The following BACH2 variants were observed in gnomAD, a reference collection of about 807,000 sequenced individuals.
BACH2 encodes BACH transcriptional regulator 2, also known as transcription regulator protein BACH2.
In BACH2, 5 loss-of-function variants were observed where a neutral mutation model predicts 61.8. That is an observed-to-expected ratio of 0.08 (90% CI 0.04 to 0.17). The LOEUF (loss-of-function observed/expected upper bound fraction) is 0.17. BACH2 is among the 10% of genes least tolerant of loss of function. The probability of loss-of-function intolerance (pLI) is 1.00; values close to 1 mark genes in which losing one functional copy is unlikely to be tolerated. For synonymous variants in BACH2, 446 were observed against 440.1 expected, an observed-to-expected ratio of 1.01 and a Z score of -0.17; for missense variants, 824 against 1,091.1, an observed-to-expected ratio of 0.76 and a Z score of 3.45.
chr6:89,984,447 G>A (rs1469606859), intron 6 of BACH2, among the ~76,000 whole-genome samples: 1 of 152,002 alleles, frequency 6.6e-6, no homozygotes, highest in East Asian at 1.9e-4. Context: ...AAATAGGTGA[G>A]GAGGCTGGAC....
At chr6:90,172,339 A>G (rs559723655) in intron 4 of BACH2, among the ~76,000 whole-genome samples, 9 of 151,822 alleles carry the variant, frequency 5.9e-5, no homozygotes, top group African/African-American at 2.2e-4. Flanking sequence ...TATACATAAC[A>G]TACAGAAGGA....
intron 4 of BACH2, among the ~76,000 whole-genome samples, chr6:90,165,938 C>T (rs1039740566): frequency 6.6e-6 from 1 of 152,120 alleles, no homozygotes; most frequent in Non-Finnish European, 1.5e-5. Context: ...AAATGTTAGA[C>T]CTAAAACCAT....
intron 4 of BACH2, among the ~76,000 whole-genome samples, chr6:90,169,373 A>G (rs2127836445): frequency 6.6e-6 from 1 of 152,278 alleles, no homozygotes; most frequent in East Asian, 1.9e-4. Flanking sequence ...TGCCTTAATG[A>G]TGAAAAACTC....
chr6:90,020,635 C>T (rs1445214763), intron 5 of BACH2, among the ~76,000 whole-genome samples: 1 of 140,490 alleles, frequency 7.1e-6, no homozygotes, highest in Non-Finnish European at 1.6e-5. Context: ...GTTAGAGTAT[C>T]AGAAAACAGG....
At chr6:90,157,294 C>T (rs115005821) in intron 4 of BACH2, among the ~76,000 whole-genome samples, 1,908 of 152,342 alleles carry the variant, frequency 0.013, 44 homozygotes, top group African/African-American at 0.044. Flanking sequence ...GGTAGACCAA[C>T]ACTTCACAGA....
At chr6:90,138,716 G>C (rs1784365574) in intron 4 of BACH2, among the ~76,000 whole-genome samples, 1 of 152,078 alleles carries the variant, frequency 6.6e-6, no homozygotes, top group African/African-American at 2.4e-5. Flanking sequence ...ATTAAACTGA[G>C]AAGACATCTT....
intron 4 of BACH2, among the ~76,000 whole-genome samples, chr6:90,099,300 G>A (rs920517398): frequency 3.3e-5 from 5 of 152,172 alleles, no homozygotes; most frequent in African/African-American, 1.2e-4. Context: ...TCCCAACATA[G>A]CTGACTTTGG....
At chr6:89,960,822 C>A (rs1774700916) in intron 6 of BACH2, among the ~76,000 whole-genome samples, 1 of 152,226 alleles carries the variant, frequency 6.6e-6, no homozygotes, top group Non-Finnish European at 1.5e-5. Flanking sequence ...AAGCTGATGT[C>A]TAGGGGGAGC....
intron 4 of BACH2, among the ~76,000 whole-genome samples, chr6:90,191,988 GCT>G (rs1768590498): frequency 2.6e-5 from 4 of 152,128 alleles, no homozygotes; most frequent in African/African-American, 4.8e-5. Flanking sequence ...CAAATGACTA[GCT>G]TTGCTACAGT....
At chr6:90,280,843 G>C (rs1771838762) in intron 1 of BACH2, among the ~76,000 whole-genome samples, 1 of 152,142 alleles carries the variant, frequency 6.6e-6, no homozygotes, top group Non-Finnish European at 1.5e-5. Flanking sequence ...TACAGGGAGG[G>C]ACTTGTATAT....
intron 4 of BACH2, among the ~76,000 whole-genome samples, chr6:90,126,815 T>C (rs147872482): frequency 6.0e-4 from 91 of 152,358 alleles, no homozygotes; most frequent in Middle Eastern, 3.4e-3. Context: ...AATCAGATTC[T>C]TAATTCTACA....
intron 4 of BACH2, among the ~76,000 whole-genome samples, chr6:90,118,109 T>C (rs1783478757): frequency 6.6e-6 from 1 of 152,180 alleles, no homozygotes; most frequent in African/African-American, 2.4e-5. Flanking sequence ...GTCCTTAAAG[T>C]TGAAGTTCCA....
Position 90,243,005 on chromosome 6 carries a change from G to A in BACH2, c.-275+9508C>T, listed in dbSNP as rs1443518545. Among the ~76,000 whole-genome samples, 8 of 149,740 alleles carry A rather than the reference G, an allele frequency of 5.3e-5. 1 individual carries two copies. The South Asian group carries it at 1.7e-3, about 32-fold the overall frequency. On this transcript the variant is annotated intron_variant, in intron 3 of 8. Transcript: ENST00000257749. ...AGCGATTCTCCTGTCTCAGCCTCCC[G>A]AGTCGCTTGGATTACAGGGATACAC...
chr6:90,233,183 G>T, intron 3 of BACH2, among the ~76,000 whole-genome samples: 1 of 152,202 alleles, frequency 6.6e-6, no homozygotes, highest in East Asian at 1.9e-4. Context: ...GGATCATGAG[G>T]AGGTGAGAAG....
At chr6:90,147,872 T>C (rs1415118016) in intron 4 of BACH2, among the ~76,000 whole-genome samples, 1 of 152,148 alleles carries the variant, frequency 6.6e-6, no homozygotes, top group Admixed American at 6.6e-5. Flanking sequence ...GAATACTCTA[T>C]CTAGAATGGC....
chr6:90,275,648 T>G (rs929232132), intron 1 of BACH2, among the ~76,000 whole-genome samples: 1 of 151,416 alleles, frequency 6.6e-6, no homozygotes, highest in Non-Finnish European at 1.5e-5. Context: ...CTCTTCCCCC[T>G]CCTCCCACTC....
intron 3 of BACH2, 43 bp from the exon 4 acceptor site, chr6:90,206,724 G>A (rs1769158013): frequency 6.6e-6 from 1 of 152,376 alleles, no homozygotes; most frequent in Non-Finnish European, 1.5e-5. Flanking sequence ...CTGGTGCCCA[G>A]GAAGGCATAG....
At position 89,954,443 on chromosome 6, in the gene BACH2, TC is replaced by T. The variant is rs367736693; in HGVS notation, c.244-2582del. On this transcript the variant is annotated intron_variant, in intron 6 of 8. Transcript: ENST00000257749. Reference sequence around the variant, plus strand: ...TAGGTATATCTCCTAATGCTATCCCTCCCCCCTCCCCCCACCCCACAACAGT... The same window carrying T: ...TAGGTATATCTCCTAATGCTATCCCTCCCCCTCCCCCCACCCCACAACAGT... 6.7e-3 allele frequency among the ~76,000 whole-genome samples: 555 copies of T among 82,452 alleles called. 2 individuals are homozygous for T. The highest frequency in any genetic ancestry group is 8.6e-3 in the Non-Finnish European group (377 of 43,850). 54.1% of individuals were successfully genotyped at this position (82,452 alleles called of 152,430 possible).
intron 4 of BACH2, among the ~76,000 whole-genome samples, chr6:90,128,352 G>C (rs1582397987): frequency 6.6e-6 from 1 of 152,184 alleles, no homozygotes; most frequent in Non-Finnish European, 1.5e-5. Context: ...GGAGGCCGAG[G>C]CGGGTGGATC....
Sources: gnomAD v4.1 joint callset for allele counts (sites outside exome capture counted in the v4.1 genomes callset) on GRCh38, gnomAD v4.1.1 for gene constraint, MANE v1.5 for transcripts, NCBI Gene and HGNC (gene_info 2026-07-23, HGNC 2026-07-21) for gene names.